ATAD1: variants seen among roughly 807,000 people sequenced by gnomAD.
ATAD1 encodes ATPase family AAA domain containing 1.
A neutral mutation model predicts 42.7 loss-of-function variants in ATAD1; 18 were observed. The ratio of observed to expected loss-of-function variants is 0.42; its 90% CI spans 0.29 to 0.63. The LOEUF is 0.63. Among genes scored for constraint, ATAD1 ranks in the 20% least tolerant of loss-of-function variants. The pLI, the probability that ATAD1 is intolerant of heterozygous loss-of-function variation, is 0.19. For synonymous variants in ATAD1, 132 were observed against 143.1 expected (o/e 0.92, Z 0.55); for missense variants, 294 against 440.4 (o/e 0.67, Z 2.98).
At chr10:87,804,807 T>C (rs1476893168) in intron 2 of ATAD1, among the ~76,000 whole-genome samples, 1 of 152,136 alleles carries the variant, frequency 6.6e-6, no homozygotes, top group East Asian at 1.9e-4. Context: ...ATCAAAAACA[T>C]AGCTTATCAA....
intron 1 of ATAD1, among the ~76,000 whole-genome samples, chr10:87,829,479 C>T (rs1437035332): frequency 2.0e-5 from 3 of 152,110 alleles, no homozygotes; most frequent in Non-Finnish European, 4.4e-5. Context: ...TGGTCTTGAT[C>T]TCCTGACCTC....
intron 2 of ATAD1, among the ~76,000 whole-genome samples, chr10:87,808,556 AAC>A (rs1175778101): frequency 6.6e-6 from 1 of 152,216 alleles, no homozygotes; most frequent in African/African-American, 2.4e-5. Flanking sequence ...TCTAAAAGAA[AAC>A]ACAAAAAACA....
intron 2 of ATAD1, among the ~76,000 whole-genome samples, chr10:87,799,714 C>A (rs1856589949): frequency 6.7e-6 from 1 of 149,916 alleles, no homozygotes; most frequent in South Asian, 2.1e-4. Flanking sequence ...TAGACAAACT[C>A]ATCATAATTT....
chr10:87,766,571 C>T (rs776373492), intron 8 of ATAD1, among the ~76,000 whole-genome samples: 1 of 151,888 alleles, frequency 6.6e-6, no homozygotes, highest in Non-Finnish European at 1.5e-5. Flanking sequence ...ACATATGAGG[C>T]CAGGAGTTTG....
Position 87,756,819 on chromosome 10 carries a change from C to T in ATAD1, c.935G>A (p.Arg312Lys), listed in dbSNP as rs1854241999. ...MCRDAALLCVREYVNSTSEES... is the reference protein window; with the variant it reads ...MCRDAALLCVKEYVNSTSEES... ...TTCTGATGTAGAATTAACATATTCTCTAACACAGAGGAGGGCAGCATCTCG... is the reference window on the plus strand; with the variant it reads ...TTCTGATGTAGAATTAACATATTCTTTAACACAGAGGAGGGCAGCATCTCG... Residue 312 changes from arginine (R) to lysine (K), a missense_variant, in exon 9 of 10, where the codon AGA becomes AAA. Arg to Lys is a conservative substitution (Grantham distance 26). This residue lies in a region of ATAD1 where 142 missense variants were observed against 174.6 expected (regional missense o/e 0.81). Coordinates refer to ENST00000680024, the MANE Select transcript of ATAD1 (RefSeq NM_001321967.2). 1.2e-6 allele frequency: 2 copies of T among 1,611,058 alleles called. No homozygotes were observed. The highest frequency in any genetic ancestry group is 4.5e-5 in the East Asian group (2 of 44,706).
Position 87,776,404 on chromosome 10 carries a change from T to C in ATAD1, c.607A>G (p.Ser203Gly). The change falls in exon 6 of 10, where the codon AGT (serine) becomes GGT (glycine). Residue 203 changes from serine (S) to glycine (G), a missense_variant. This residue lies in a region of ATAD1 where 31 missense variants were observed against 78.6 expected (regional missense o/e 0.39). Transcript: ENST00000680024. ...ATGGCTGTAGCTTCATGGTCAGAAC[T>C]TGAACGGTTTCGTAGAAAGGAGTCT... The part of the protein sequence containing the change: ...EIDSFLRNRS[S>G]SDHEATAMMK... 1.2e-6 allele frequency: 2 copies of C among 1,613,732 alleles called. No individual in the cohort carries two copies. The highest frequency in any genetic ancestry group is 1.7e-6 in the Non-Finnish European group (2 of 1,179,748).
Position 87,754,641 on chromosome 10 carries a change from G to T in ATAD1, c.*46C>A. On this transcript the variant is annotated 3_prime_UTR_variant, in exon 10 of 10. Transcript: ENST00000680024. ...GTTCTATTTCCACTAACTGATAAGA[G>T]GACACACCAAACTAGATCACTGAAC... 6.3e-7 allele frequency: 1 copy of T among 1,575,326 alleles called. No individual in the cohort carries two copies. Among genetic ancestry groups the T allele is most frequent in the South Asian group, 1.2e-5 (1 of 86,604 alleles).
At position 87,752,269 on chromosome 10, in the gene ATAD1, C is replaced by A. The variant is rs550464298; in HGVS notation, c.*2418G>T. ...CAATGATGCTTTTAGAGAAACATGG[C>A]ATAAATGATCCTTTCAGTCTCAATC... On this transcript the variant is annotated 3_prime_UTR_variant, in exon 10 of 10. Coordinates refer to ENST00000680024, the MANE Select transcript of ATAD1 (RefSeq NM_001321967.2). 6.6e-6 allele frequency: 1 copy of A among 152,232 alleles called. No homozygotes were observed. Among genetic ancestry groups the A allele is most frequent in the African/African-American group, 2.4e-5 (1 of 41,532 alleles). 9.4% of individuals were successfully genotyped at this position (152,232 alleles called of 1,614,324 possible).
intron 2 of ATAD1, among the ~76,000 whole-genome samples, chr10:87,807,712 C>T (rs1191285512): frequency 6.6e-6 from 1 of 152,050 alleles, no homozygotes; most frequent in Non-Finnish European, 1.5e-5. Context: ...ATAGGAAACA[C>T]TTATGCAGCA....
At chr10:87,800,883 T>C (rs556747546) in intron 2 of ATAD1, among the ~76,000 whole-genome samples, 1 of 152,136 alleles carries the variant, frequency 6.6e-6, no homozygotes, top group Non-Finnish European at 1.5e-5. Flanking sequence ...GAGGCGGGCA[T>C]GTGAAATTGG....
intron 1 of ATAD1, among the ~76,000 whole-genome samples, chr10:87,840,156 A>G (rs1858005464): frequency 6.6e-6 from 1 of 152,254 alleles, no homozygotes; most frequent in African/African-American, 2.4e-5. Flanking sequence ...GGCTACTTCC[A>G]TCTTAGAGAA....
chr10:87,778,975 T>C (rs1855445533), intron 5 of ATAD1, among the ~76,000 whole-genome samples: 1 of 152,168 alleles, frequency 6.6e-6, no homozygotes, highest in South Asian at 2.1e-4. Flanking sequence ...AATTTTTATG[T>C]CTAACACCAA....
chr10:87,757,969 A>G (rs139421174), intron 8 of ATAD1, among the ~76,000 whole-genome samples: 1 of 152,198 alleles, frequency 6.6e-6, no homozygotes, highest in East Asian at 1.9e-4. Context: ...TTTTTGATAA[A>G]AAGAAACTGA....
intron 7 of ATAD1, among the ~76,000 whole-genome samples, chr10:87,769,910 T>A (rs896500475): frequency 6.6e-6 from 1 of 151,740 alleles, no homozygotes; most frequent in African/African-American, 2.4e-5. Context: ...GTCACTGCAC[T>A]CCAGCCTGGG....
chr10:87,829,023 A>T (rs1386704263), intron 1 of ATAD1, among the ~76,000 whole-genome samples: 1 of 152,188 alleles, frequency 6.6e-6, no homozygotes, highest in African/African-American at 2.4e-5. Context: ...AAGAGCTCTG[A>T]TGGAGATGTA....
chr10:87,790,203 C>T, intron 4 of ATAD1, 107 bp downstream of exon 4: 1 of 1,295,242 alleles, frequency 7.7e-7, no homozygotes, highest in Non-Finnish European at 1.1e-6. Context: ...TAGATCTCAG[C>T]ATCCTCTTGA....
In ATAD1 at chr10:87,815,549, G is replaced by GA. The variant is rs945030171; in HGVS notation, c.-13-938dup. Among the ~76,000 whole-genome samples the GA allele has an allele frequency of 1.0e-3, 154 of 151,528 alleles. 2 individuals are homozygous for GA. The highest frequency in any genetic ancestry group is 1.7e-3 in the African/African-American group (69 of 41,374). On this transcript the variant is annotated intron_variant, in intron 1 of 9. Transcript: ENST00000680024. ...TATATATTTGTACTTACATAAACAT[G>GA]AAAAAAAACAGAATTTGTATGGCTC...
chr10:87,821,774 G>A (rs1857635903), upstream of ATAD1, among the ~76,000 whole-genome samples: 1 of 152,136 alleles, frequency 6.6e-6, no homozygotes, highest in South Asian at 2.1e-4. Flanking sequence ...CCAGTATATT[G>A]GATTTCCCAC....
chr10:87,841,085 A>G (rs923221833), intron 1 of ATAD1: 5 of 152,068 alleles, frequency 3.3e-5, no homozygotes, highest in Admixed American at 6.5e-5. Flanking sequence ...CTTCAGTGGA[A>G]GCAGGACTGC....
Sources: allele counts gnomAD v4.1 joint callset (sites outside exome capture counted in the v4.1 genomes callset), GRCh38; gene constraint gnomAD v4.1.1; regional missense constraint gnomAD v4.1.1; transcripts MANE v1.5; gene names NCBI Gene and HGNC (gene_info 2026-07-23, HGNC 2026-07-21).